The following SLC44A1 variants were observed in gnomAD, a reference collection of about 807,000 sequenced individuals.
The protein encoded by SLC44A1 is solute carrier family 44 member 1, also known as choline transporter-like protein 1.
In SLC44A1, 26 loss-of-function variants were observed where a neutral mutation model predicts 79.3. The observed-to-expected ratio is 0.33, with a 90% CI of 0.24 to 0.46. The LOEUF is 0.46. Ranked by LOEUF, SLC44A1 falls within the 20% of genes least tolerant of loss-of-function variation. The probability of loss-of-function intolerance (pLI) is 1.00; values close to 1 mark genes in which losing one functional copy is unlikely to be tolerated. For synonymous variants in SLC44A1, 263 were observed against 286.2 expected (o/e 0.92, Z 0.82); for missense variants, 688 against 798.1 (o/e 0.86, Z 1.66).
intron 1 of SLC44A1, among the ~76,000 whole-genome samples, chr9:105,260,536 A>G (rs954638831): frequency 1.3e-5 from 2 of 152,174 alleles, no homozygotes; most frequent in Non-Finnish European, 2.9e-5. Context: ...TGCATCACAA[A>G]CTTCATGTTC....
At chr9:105,265,031 G>A (rs1192784983) in intron 1 of SLC44A1, among the ~76,000 whole-genome samples, 1 of 152,126 alleles carries the variant, frequency 6.6e-6, no homozygotes, top group Non-Finnish European at 1.5e-5. Flanking sequence ...CCTGACCTCA[G>A]ACAATCTGCC....
At chr9:105,249,940 C>A (rs185425181) in intron 1 of SLC44A1, among the ~76,000 whole-genome samples, 1 of 148,230 alleles carries the variant, frequency 6.7e-6, no homozygotes, top group East Asian at 2.0e-4. Flanking sequence ...ATGATCATAG[C>A]TCACTGCAGC....
chr9:105,308,640 G>A (rs1254136825), intron 2 of SLC44A1, among the ~76,000 whole-genome samples: 1 of 152,170 alleles, frequency 6.6e-6, no homozygotes, highest in East Asian at 1.9e-4. Context: ...TTGCATATGA[G>A]TATAGTATTT....
At chr9:105,256,147 G>T (rs570959770) in intron 1 of SLC44A1, among the ~76,000 whole-genome samples, 144 of 152,046 alleles carry the variant, frequency 9.5e-4, no homozygotes, top group Non-Finnish European at 1.8e-3. Context: ...CGAGTAGCTG[G>T]GACTGCAGGC....
chr9:105,249,664 A>C (rs2131191928), intron 1 of SLC44A1, among the ~76,000 whole-genome samples: 1 of 151,144 alleles, frequency 6.6e-6, no homozygotes, highest in East Asian at 2.0e-4. Context: ...AGCTGGGATT[A>C]CAGGTGCTCG....
At chr9:105,411,551 C>CT (rs11390019) in intron 15 of SLC44A1, among the ~76,000 whole-genome samples, 10,835 of 143,908 alleles carry the variant, frequency 0.075, 1,317 homozygotes, top group African/African-American at 0.26. Context: ...TGGAAAAAAG[C>CT]TTTTTTTTTT....
Position 105,393,356 on chromosome 9 carries a change from AAT to A in SLC44A1, c.*4303_*4304del. The stretch of plus-strand genomic sequence containing the variant: ...AAATTTTTAAAAAGCAAGACCCTTG[AAT>A]ATGCCAAGAGAAAATCTAAAGCTAG... On this transcript the variant is annotated 3_prime_UTR_variant, in exon 16 of 16. Transcript: ENST00000374720. 2.6e-5 allele frequency: 26 copies of A among 985,322 alleles called. No individual in the cohort carries two copies. Among genetic ancestry groups the A allele is most frequent in the Non-Finnish European group, 3.0e-5 (25 of 829,808 alleles). The allele number at this position is 985,322 out of a possible 1,614,324, so 61.0% of individuals were successfully genotyped here. A position where few individuals can be genotyped will look rare whatever the true frequency, so the allele number is the denominator to read the frequency against.
At chr9:105,252,268 T>C (rs760011304) in intron 1 of SLC44A1, among the ~76,000 whole-genome samples, 1 of 152,118 alleles carries the variant, frequency 6.6e-6, no homozygotes, top group Admixed American at 6.5e-5. Flanking sequence ...CTAGGCTGAG[T>C]TGATGAAGAG....
intron 5 of SLC44A1, among the ~76,000 whole-genome samples, chr9:105,353,298 A>G (rs572043734): frequency 6.6e-6 from 1 of 152,316 alleles, no homozygotes; most frequent in Admixed American, 6.5e-5. Context: ...TAAACAGTGT[A>G]AAAATGTTTG....
intron 1 of SLC44A1, among the ~76,000 whole-genome samples, chr9:105,254,337 G>T (rs1202981132): frequency 6.6e-6 from 1 of 152,060 alleles, no homozygotes; most frequent in African/African-American, 2.4e-5. Context: ...AATTAGAGAG[G>T]GCTGCACACT....
chr9:105,277,557 G>A (rs960766204), intron 1 of SLC44A1, among the ~76,000 whole-genome samples: 2 of 152,150 alleles, frequency 1.3e-5, no homozygotes, highest in African/African-American at 4.8e-5. Flanking sequence ...CACCATATAG[G>A]TGAACCTGGA....
intron 1 of SLC44A1, among the ~76,000 whole-genome samples, chr9:105,291,972 T>C (rs1288080557): frequency 6.6e-6 from 1 of 152,170 alleles, no homozygotes; most frequent in East Asian, 1.9e-4. Flanking sequence ...GAAAAAAATA[T>C]AAGAGTATGA....
intron 1 of SLC44A1, among the ~76,000 whole-genome samples, chr9:105,263,531 G>A (rs1049115304): frequency 1.4e-5 from 2 of 147,394 alleles, no homozygotes; most frequent in Non-Finnish European, 1.5e-5. Flanking sequence ...AGTTACACAT[G>A]TGTGTATTTT....
In SLC44A1 at chr9:105,244,746, G is replaced by A; in HGVS notation, c.-123G>A. The A allele has an allele frequency of 2.2e-6, 1 of 450,278 alleles. No homozygotes were observed. Among genetic ancestry groups the A allele is most frequent in the Non-Finnish European group, 3.3e-6 (1 of 302,102 alleles). The allele number at this position is 450,278 out of a possible 1,614,324, so 27.9% of individuals were successfully genotyped here. A position where few individuals can be genotyped will look rare whatever the true frequency, so the allele number is the denominator to read the frequency against. On this transcript the variant is annotated 5_prime_UTR_variant, in exon 1 of 16. Coordinates refer to ENST00000374720, the MANE Select transcript of SLC44A1 (RefSeq NM_080546.5). The stretch of plus-strand genomic sequence containing the variant: ...AGTACCAGCCGCCGCTGCAGCCGCC[G>A]CCGCCGCCTAGCCGTGCGGTGCCAG...
chr9:105,290,114 C>A (rs1470857065), intron 1 of SLC44A1, among the ~76,000 whole-genome samples: 1 of 152,106 alleles, frequency 6.6e-6, no homozygotes, highest in African/African-American at 2.4e-5. Flanking sequence ...CCGCACCTGG[C>A]CTGTAAGTCA....
At chr9:105,365,444 G>C (rs1457135566) in intron 10 of SLC44A1, 39 bp from the exon 11 acceptor site, 2 of 1,543,610 alleles carry the variant, frequency 1.3e-6, no homozygotes, top group East Asian at 2.3e-5. Context: ...CCTGATCTAG[G>C]CTTTGTTTTA....
chr9:105,392,431 C>G lies in SLC44A1; in HGVS notation c.*3375C>G. On this transcript the variant is annotated 3_prime_UTR_variant, in exon 16 of 16. Transcript: ENST00000374720. ...TTTTTTTTTTTTTTTTTTTTTTTTT[C>G]CGTGAGGGCATTAGGCTGCTGATTG... 5.9e-5 allele frequency: 20 copies of G among 339,592 alleles called. No homozygotes were observed. The highest frequency in any genetic ancestry group is 7.1e-5 in the Non-Finnish European group (20 of 283,362). The allele number at this position is 339,592 out of a possible 1,614,324, so 21.0% of individuals were successfully genotyped here.
intron 7 of SLC44A1, 56 bp from the exon 8 acceptor site, chr9:105,361,135 G>C: frequency 3.2e-6 from 5 of 1,539,048 alleles, no homozygotes; most frequent in Non-Finnish European, 4.5e-6. Context: ...GAGAATTTAT[G>C]TTACACATTT....
Position 105,395,244 on chromosome 9 carries a change from G to A in SLC44A1, c.*6188G>A. On this transcript the variant is annotated 3_prime_UTR_variant, in exon 16 of 16. Transcript: ENST00000374720. ...TTGTTTTTGGTGTTTTTTTGAGACG[G>A]AGTCTCGCTCTATCGCCAGCTTAGA... 2 of 937,250 alleles carry A rather than the reference G, an allele frequency of 2.1e-6. No homozygotes were observed. Among genetic ancestry groups the A allele is most frequent in the Non-Finnish European group, 2.5e-6 (2 of 786,308 alleles). 58.1% of individuals were successfully genotyped at this position (937,250 alleles called of 1,614,324 possible).
Sources: gnomAD v4.1 joint callset for allele counts (sites outside exome capture counted in the v4.1 genomes callset) on GRCh38, gnomAD v4.1.1 for gene constraint, MANE v1.5 for transcripts, NCBI Gene and HGNC (gene_info 2026-07-23, HGNC 2026-07-21) for gene names.